Variants in IL2RB observed in about 807,000 individuals in gnomAD.
IL2RB encodes interleukin 2 receptor subunit beta.
Under a neutral mutation model 44.2 loss-of-function variants are expected in IL2RB, and 17 were observed. The observed-to-expected ratio is 0.38, with a 90% CI of 0.26 to 0.58. The LOEUF (loss-of-function observed/expected upper bound fraction) is 0.58. Ranked by LOEUF, IL2RB falls within the 20% of genes least tolerant of loss-of-function variation. The pLI, the probability that IL2RB is intolerant of heterozygous loss-of-function variation, is 0.63. For missense variants in IL2RB, 624 were observed against 685.5 expected (o/e 0.91, Z 1.00); for synonymous variants, 286 against 297.9 (o/e 0.96, Z 0.41).
At chr22:37,163,076 C>T (rs750905186) in intron 1 of IL2RB, among the ~76,000 whole-genome samples, 1 of 152,350 alleles carries the variant, frequency 6.6e-6, no homozygotes, top group African/African-American at 2.4e-5. Context: ...GGGTCGCTCC[C>T]TGCAGTCATC....
In IL2RB at chr22:37,128,991, T is replaced by C. The variant is rs1426111412; in HGVS notation, c.904-143A>G. The C allele has an allele frequency of 9.6e-7, 1 of 1,037,524 alleles. No homozygotes were observed. Among genetic ancestry groups the C allele is most frequent in the Non-Finnish European group, 1.4e-6 (1 of 737,126 alleles). The allele number at this position is 1,037,524 out of a possible 1,614,324, so 64.3% of individuals were successfully genotyped here. A position where few individuals can be genotyped will look rare whatever the true frequency, so the allele number is the denominator to read the frequency against. ...GCCCCATCCAGGAAGCTCTCCCTGA[T>C]TATAGCCCCGCACTCCCCCAACCCA... On this transcript the variant is annotated intron_variant, in intron 9 of 9. Transcript: ENST00000216223. The surrounding 1 kb of genome is among the most constrained non-coding windows in gnomAD (Gnocchi z 4.5).
At chr22:37,165,944 C>T (rs1363297602) in intron 1 of IL2RB, among the ~76,000 whole-genome samples, 1 of 152,200 alleles carries the variant, frequency 6.6e-6, no homozygotes, top group Non-Finnish European at 1.5e-5. Context: ...AGTCATTCCT[C>T]GCCAGGGGAG....
chr22:37,137,603 G>C lies in IL2RB; in HGVS notation c.521C>G (p.Pro174Arg). Residue 174 changes from proline to arginine, a missense_variant, in exon 6 of 10, where the codon CCA (proline) becomes CGA (arginine). By Grantham distance (103) the Pro-to-Arg change is moderately radical. Around this residue, in one of 3 missense-constraint regions of IL2RB, gnomAD observed 255 missense variants for 339.9 expected, o/e 0.75. Coordinates refer to ENST00000216223, the MANE Select transcript of IL2RB (RefSeq NM_000878.5). ...CATTCTCACCTCCCAGGTGTGGCCTGGGGACAGCGTCCGGGCCTCGAACTC... is the reference window on the plus strand; with the variant it reads ...CATTCTCACCTCCCAGGTGTGGCCTCGGGACAGCGTCCGGGCCTCGAACTC... Reference protein sequence around the residue: ...HLEFEARTLSPGHTWEEAPLL... With the variant: ...HLEFEARTLSRGHTWEEAPLL... The C allele has an allele frequency of 1.8e-5, 29 of 1,614,132 alleles. No individual in the cohort carries two copies. Among genetic ancestry groups the C allele is most frequent in the Non-Finnish European group, 2.5e-5 (29 of 1,179,996 alleles).
intron 6 of IL2RB, among the ~76,000 whole-genome samples, chr22:37,137,304 G>A (rs1283613314): frequency 6.6e-6 from 1 of 152,236 alleles, no homozygotes; most frequent in Non-Finnish European, 1.5e-5. Flanking sequence ...CCTGGCCTCT[G>A]AAAGCCCATG....
At chr22:37,146,623 T>C (rs1435013372) in intron 1 of IL2RB, among the ~76,000 whole-genome samples, 1 of 152,216 alleles carries the variant, frequency 6.6e-6, no homozygotes, top group African/African-American at 2.4e-5. Flanking sequence ...ATTTCCGTGA[T>C]GGAGGGCGAG....
At chr22:37,144,009 T>C in intron 2 of IL2RB, 76 bp downstream of exon 2, 2 of 1,545,160 alleles carry the variant, frequency 1.3e-6, no homozygotes, top group African/African-American at 1.4e-5. Context: ...CATCCCCTTC[T>C]GGGAAGAGGC....
intron 1 of IL2RB, chr22:37,174,855 G>A (rs1923401340): frequency 6.6e-6 from 1 of 152,236 alleles, no homozygotes; most frequent in Admixed American, 6.5e-5. Context: ...CTGCCATCCT[G>A]TGGCCCTGAG....
intron 4 of IL2RB, among the ~76,000 whole-genome samples, chr22:37,140,311 AT>A (rs1341399113): frequency 6.7e-6 from 1 of 148,482 alleles, no homozygotes; most frequent in Non-Finnish European, 1.5e-5. Flanking sequence ...TATTATTATT[AT>A]TATTATTATT....
At chr22:37,133,716 A>G (rs1156634128) in intron 8 of IL2RB, among the ~76,000 whole-genome samples, 2 of 151,766 alleles carry the variant, frequency 1.3e-5, no homozygotes, top group East Asian at 1.9e-4. Context: ...TTCTGGGGAA[A>G]CCCTCCATGA....
At chr22:37,171,664 A>G (rs1923290155) in intron 1 of IL2RB, among the ~76,000 whole-genome samples, 1 of 152,104 alleles carries the variant, frequency 6.6e-6, no homozygotes, top group Non-Finnish European at 1.5e-5. Flanking sequence ...GCAATTTATA[A>G]CTCCCTGAAA....
chr22:37,160,231 G>A (rs971849688), intron 1 of IL2RB, among the ~76,000 whole-genome samples: 1 of 152,206 alleles, frequency 6.6e-6, no homozygotes, highest in African/African-American at 2.4e-5. Flanking sequence ...AGCTCCCTGT[G>A]GGGAGCAGCG....
intron 5 of IL2RB, among the ~76,000 whole-genome samples, chr22:37,138,872 G>A (rs768345166): frequency 6.6e-6 from 1 of 152,192 alleles, no homozygotes; most frequent in African/African-American, 2.4e-5. Context: ...GCCTTTGGCT[G>A]TAGCAGAAAT....
At chr22:37,133,344 A>G (rs1259217397) in intron 8 of IL2RB, among the ~76,000 whole-genome samples, 3 of 152,156 alleles carry the variant, frequency 2.0e-5, no homozygotes, top group African/African-American at 7.2e-5. Context: ...CTTGGGAGGA[A>G]AGAGGAAACG....
chr22:37,133,214 TGGAGGCCACTGAACCCATGCCTG>T (rs1349772446), intron 8 of IL2RB, among the ~76,000 whole-genome samples: 2 of 152,176 alleles, frequency 1.3e-5, no homozygotes, highest in Non-Finnish European at 2.9e-5. Flanking sequence ...GAGGGCAGTC[TGGAGGCCACTGAACCCATGCCTG>T]GGAGAGGACC....
At chr22:37,137,975 T>C (rs1187783146) in intron 5 of IL2RB, among the ~76,000 whole-genome samples, 1 of 152,194 alleles carries the variant, frequency 6.6e-6, no homozygotes, top group Non-Finnish European at 1.5e-5. Context: ...TTCCCAGTGC[T>C]TATCATCACC....
intron 1 of IL2RB, among the ~76,000 whole-genome samples, chr22:37,170,993 G>A (rs549951324): frequency 6.6e-6 from 1 of 151,750 alleles, no homozygotes; most frequent in Admixed American, 6.6e-5. Flanking sequence ...TTTTTTTTGG[G>A]TGGGGAGGGG....
intron 8 of IL2RB, 140 bp downstream of exon 8, chr22:37,135,188 G>C: frequency 1.6e-6 from 1 of 638,468 alleles, no homozygotes; most frequent in Admixed American, 2.4e-5. Context: ...TCCAGAATCT[G>C]ACCTGGCAAG....
intron 1 of IL2RB, among the ~76,000 whole-genome samples, chr22:37,155,227 T>A (rs1187157879): frequency 1.3e-5 from 2 of 152,132 alleles, no homozygotes; most frequent in South Asian, 4.1e-4. Flanking sequence ...CTCAGAGCCG[T>A]GTCATCTCCC....
At chr22:37,135,157 G>A (rs1921620856) in intron 8 of IL2RB, among the ~76,000 whole-genome samples, 171 bp downstream of exon 8, 1 of 152,156 alleles carries the variant, frequency 6.6e-6, no homozygotes, top group African/African-American at 2.4e-5. Flanking sequence ...AAGCACGGGT[G>A]TATCAGAGCA....
Sources: allele counts gnomAD v4.1 joint callset (sites outside exome capture counted in the v4.1 genomes callset), GRCh38; gene constraint gnomAD v4.1.1; regional missense constraint gnomAD v4.1.1; non-coding constraint Gnocchi (gnomAD v3.1); transcripts MANE v1.5; gene names NCBI Gene and HGNC (gene_info 2026-07-23, HGNC 2026-07-21).